The following NTM variants were observed in gnomAD, a reference collection of about 807,000 sequenced individuals.
NTM encodes IgLON family member 2.
NTM carries 13 observed loss-of-function variants against 42.1 expected under a neutral mutation model. The observed-to-expected ratio is 0.31, with a 90% confidence interval of 0.20 to 0.49. The LOEUF (loss-of-function observed/expected upper bound fraction) is 0.49, where lower values mean the gene tolerates loss of function less well. NTM is among the 20% of genes least tolerant of loss of function. NTM has a pLI of 0.99. For missense variants in NTM, 373 were observed against 452.8 expected (o/e 0.82, Z 1.60); for synonymous variants, 187 against 179.2 (o/e 1.04, Z -0.35).
chr11:131,506,014 G>T (rs2047445539), intron 1 of NTM, among the ~76,000 whole-genome samples: 1 of 152,010 alleles, frequency 6.6e-6, no homozygotes, highest in East Asian at 1.9e-4. Flanking sequence ...GAAGCCTGTT[G>T]GTGTTTCTGT....
chr11:131,544,455 C>A lies in NTM; in HGVS notation c.82+173567C>A, dbSNP rs369240091. On this transcript the variant is annotated intron_variant, in intron 1 of 8. Transcript: ENST00000683400. The stretch of plus-strand genomic sequence containing the variant: ...CTTCCCATTCTACTACCAAATTATC[C>A]CTGTTGTGAATCCTTTATTCCCCAT... 3.6e-4 allele frequency among the ~76,000 whole-genome samples: 55 copies of A among 152,204 alleles called. No individual in the cohort carries two copies. In the East Asian group the frequency reaches 6.2e-3, roughly 17 times the overall value.
At chr11:131,980,068 C>T (rs756314913) in intron 2 of NTM, among the ~76,000 whole-genome samples, 2 of 152,068 alleles carry the variant, frequency 1.3e-5, no homozygotes, top group Non-Finnish European at 2.9e-5. Flanking sequence ...AAATGGATTA[C>T]AATTTTAAGA....
intron 1 of NTM, among the ~76,000 whole-genome samples, chr11:131,834,161 C>T (rs1592167931): frequency 6.6e-6 from 1 of 152,140 alleles, no homozygotes; most frequent in Non-Finnish European, 1.5e-5. Flanking sequence ...TAATTCTCTG[C>T]CACGGTGCTA....
At chr11:132,148,848 A>G (rs991661480) in intron 3 of NTM, among the ~76,000 whole-genome samples, 4 of 152,138 alleles carry the variant, frequency 2.6e-5, no homozygotes, top group African/African-American at 4.8e-5. Context: ...GTCTACATCA[A>G]TCTTCACTCA....
At chr11:132,286,089 T>A (rs2094218859) in intron 4 of NTM, among the ~76,000 whole-genome samples, 1 of 152,206 alleles carries the variant, frequency 6.6e-6, no homozygotes, top group Admixed American at 6.5e-5. Flanking sequence ...TTAGTTTGAG[T>A]CTCTGGTTTC....
intron 1 of NTM, among the ~76,000 whole-genome samples, chr11:131,493,116 G>T (rs1287880933): frequency 6.6e-6 from 1 of 152,050 alleles, no homozygotes; most frequent in African/African-American, 2.4e-5. Context: ...TAGTCCCTAG[G>T]CTGGGGCTGG....
intron 4 of NTM, among the ~76,000 whole-genome samples, chr11:132,221,462 C>T (rs1039240964): frequency 1.4e-4 from 22 of 152,214 alleles, no homozygotes; most frequent in African/African-American, 3.1e-4. Context: ...ACATTGCAGA[C>T]GTGGGTTCCA....
intron 2 of NTM, among the ~76,000 whole-genome samples, chr11:132,071,661 G>A (rs972224592): frequency 3.3e-5 from 5 of 152,184 alleles, no homozygotes; most frequent in African/African-American, 7.2e-5. Flanking sequence ...CTCAGCTGGG[G>A]CTGGTGGACC....
chr11:131,733,684 C>A (rs573639401), intron 1 of NTM, among the ~76,000 whole-genome samples: 1 of 152,016 alleles, frequency 6.6e-6, no homozygotes, highest in African/African-American at 2.4e-5. Context: ...TACAGGCACA[C>A]GCCACTATGC....
chr11:131,754,441 A>AT (rs1475680317), intron 1 of NTM, among the ~76,000 whole-genome samples: 2 of 152,166 alleles, frequency 1.3e-5, no homozygotes, highest in Non-Finnish European at 2.9e-5. Context: ...CCTGGCCAAC[A>AT]TGGCGAAACC....
chr11:132,093,634 G>T (rs944475781), intron 2 of NTM, among the ~76,000 whole-genome samples: 1 of 152,086 alleles, frequency 6.6e-6, no homozygotes, highest in South Asian at 2.1e-4. Flanking sequence ...CTCTATCAGA[G>T]CAATTTCTTT....
rs189478636 is a variant in NTM at position 131,403,512 on chromosome 11, G to C, written c.82+32624G>C. On this transcript the variant is annotated intron_variant, in intron 1 of 8. Coordinates refer to ENST00000683400, the MANE Select transcript of NTM (RefSeq NM_001352005.2). ...ACTAGATATTGCTGGCAGAAAGAAA[G>C]AAACAAACAAACAAACAACAAGATC... Among the ~76,000 whole-genome samples the C allele has an allele frequency of 1.1e-4, 17 of 152,036 alleles. No individual in the cohort carries two copies. The South Asian group carries it at 1.2e-3, about 11-fold the overall frequency.
At chr11:131,471,642 A>G (rs916310391) in intron 1 of NTM, among the ~76,000 whole-genome samples, 1 of 152,220 alleles carries the variant, frequency 6.6e-6, no homozygotes, top group East Asian at 1.9e-4. Flanking sequence ...AACAAGGTTA[A>G]GATGAGTTCT....
At chr11:132,160,895 G>C (rs1486787782) in intron 3 of NTM, among the ~76,000 whole-genome samples, 2 of 152,206 alleles carry the variant, frequency 1.3e-5, no homozygotes, top group Admixed American at 6.5e-5. Flanking sequence ...GAGGGTGAGA[G>C]GAGAGACCCG....
At chr11:131,374,183 TG>T (rs1449521362) in intron 1 of NTM, among the ~76,000 whole-genome samples, 4 of 152,220 alleles carry the variant, frequency 2.6e-5, no homozygotes, top group African/African-American at 9.6e-5. Flanking sequence ...CCTCATCGAA[TG>T]GAACCTGCCT....
chr11:131,636,377 C>A (rs2064383485), intron 1 of NTM, among the ~76,000 whole-genome samples: 1 of 152,172 alleles, frequency 6.6e-6, no homozygotes, highest in African/African-American at 2.4e-5. Context: ...AAATTCAAGG[C>A]TACTCAGGCC....
chr11:131,673,822 C>A (rs1464539741), intron 1 of NTM, among the ~76,000 whole-genome samples: 1 of 152,134 alleles, frequency 6.6e-6, no homozygotes, highest in Non-Finnish European at 1.5e-5. Flanking sequence ...CCTTTTAAAA[C>A]AAAGTGCCAG....
At chr11:131,636,597 C>T (rs1371223456) in intron 1 of NTM, among the ~76,000 whole-genome samples, 1 of 152,176 alleles carries the variant, frequency 6.6e-6, no homozygotes, top group African/African-American at 2.4e-5. Flanking sequence ...TCTTTTGAAA[C>T]GTGTGCTTGC....
chr11:132,033,000 G>C (rs530106957), intron 2 of NTM, among the ~76,000 whole-genome samples: 1 of 152,284 alleles, frequency 6.6e-6, no homozygotes, highest in African/African-American at 2.4e-5. Flanking sequence ...TTGGATTAAT[G>C]AACCCAACCA....
Sources: gnomAD v4.1 joint callset for allele counts (sites outside exome capture counted in the v4.1 genomes callset) on GRCh38, gnomAD v4.1.1 for gene constraint, MANE v1.5 for transcripts, NCBI Gene and HGNC (gene_info 2026-07-23, HGNC 2026-07-21) for gene names.